CNTN4: variants seen among roughly 807,000 people sequenced by gnomAD.
The protein encoded by CNTN4 is contactin-4.
In CNTN4, 77 loss-of-function variants were observed where a neutral mutation model predicts 122.5. That is an observed-to-expected ratio of 0.63 (90% CI 0.52 to 0.76). The LOEUF (loss-of-function observed/expected upper bound fraction) is 0.76, where lower values mean the gene tolerates loss of function less well. Ranked by LOEUF, CNTN4 falls within the 30% of genes least tolerant of loss-of-function variation. The pLI is 0.00. For missense variants in CNTN4, 1,256 were observed against 1,259.1 expected (o/e 1.00, Z 0.04); for synonymous variants, 512 against 447.0 (o/e 1.15, Z -1.83).
intron 4 of CNTN4, among the ~76,000 whole-genome samples, chr3:2,603,139 T>C (rs576549555): frequency 3.3e-5 from 5 of 152,302 alleles, no homozygotes; most frequent in African/African-American, 1.2e-4. Context: ...TCTGAGAATT[T>C]TGTTTTTTTC....
intron 7 of CNTN4, among the ~76,000 whole-genome samples, chr3:2,833,069 G>A (rs1040392994): frequency 6.6e-6 from 1 of 152,164 alleles, no homozygotes; most frequent in African/African-American, 2.4e-5. Context: ...ATTGCCTAAG[G>A]ATGCAAAGCA....
At chr3:2,228,305 A>C (rs1258960617) in intron 2 of CNTN4, among the ~76,000 whole-genome samples, 1 of 152,110 alleles carries the variant, frequency 6.6e-6, no homozygotes, top group Non-Finnish European at 1.5e-5. Context: ...AATCAAAATA[A>C]TAATAATATT....
intron 6 of CNTN4, among the ~76,000 whole-genome samples, chr3:2,775,326 T>C (rs1360712437): frequency 6.6e-6 from 1 of 151,888 alleles, no homozygotes; most frequent in African/African-American, 2.4e-5. Context: ...CTCTTCCCCA[T>C]GCAAAACTCC....
intron 4 of CNTN4, among the ~76,000 whole-genome samples, chr3:2,673,824 G>A (rs773140011): frequency 2.0e-5 from 3 of 152,188 alleles, no homozygotes; most frequent in African/African-American, 7.2e-5. Flanking sequence ...TTACAGGTGC[G>A]AGTCGCTGCG....
chr3:2,453,455 C>T (rs1188191306), intron 3 of CNTN4, among the ~76,000 whole-genome samples: 2 of 152,100 alleles, frequency 1.3e-5, no homozygotes, highest in African/African-American at 4.8e-5. Flanking sequence ...GAGGCACTTT[C>T]ACCAACATAA....
In CNTN4 at chr3:2,557,976, C is replaced by T. The variant is rs533056287; in HGVS notation, c.-88-13440C>T. ...TGAACTTTTTCTGGAAATGATGCAG[C>T]AAACTATAAATATAAAATCTGCAAT... On this transcript the variant is annotated intron_variant, in intron 3 of 24. Transcript: ENST00000418658. Among the ~76,000 whole-genome samples the T allele has an allele frequency of 2.0e-5, 3 of 152,136 alleles. No homozygotes were observed. In the South Asian group the frequency reaches 6.2e-4, roughly 32 times the overall value.
At chr3:2,210,770 C>A (rs2038580406) in intron 2 of CNTN4, among the ~76,000 whole-genome samples, 1 of 152,064 alleles carries the variant, frequency 6.6e-6, no homozygotes, top group Admixed American at 6.6e-5. Context: ...CATCTTTTGT[C>A]TTTTTGAATC....
At chr3:2,535,470 A>G (rs1338889343) in intron 3 of CNTN4, among the ~76,000 whole-genome samples, 3 of 152,000 alleles carry the variant, frequency 2.0e-5, no homozygotes, top group African/African-American at 7.2e-5. Flanking sequence ...TTCTCCTTCA[A>G]CCATCATGTG....
chr3:2,801,828 G>A (rs2092354921), intron 6 of CNTN4, among the ~76,000 whole-genome samples: 1 of 152,016 alleles, frequency 6.6e-6, no homozygotes, highest in South Asian at 2.1e-4. Context: ...TTAATTCTAA[G>A]CAAACCTCTT....
At chr3:2,421,021 C>T (rs543013626) in intron 3 of CNTN4, among the ~76,000 whole-genome samples, 2 of 152,236 alleles carry the variant, frequency 1.3e-5, no homozygotes, top group East Asian at 3.9e-4. Flanking sequence ...ACATGTGCTT[C>T]TGGGAAAACT....
intron 3 of CNTN4, among the ~76,000 whole-genome samples, chr3:2,531,727 T>C (rs2077604159): frequency 1.3e-5 from 2 of 152,176 alleles, no homozygotes; most frequent in African/African-American, 4.8e-5. Flanking sequence ...GAAGTAAAGA[T>C]TCCATTTGAT....
At chr3:2,354,958 A>G (rs2044805864) in intron 3 of CNTN4, among the ~76,000 whole-genome samples, 1 of 152,230 alleles carries the variant, frequency 6.6e-6, no homozygotes, top group South Asian at 2.1e-4. Context: ...ATTGTGTCAG[A>G]TTACATCCAG....
chr3:2,263,248 G>A (rs2040911840), intron 2 of CNTN4, among the ~76,000 whole-genome samples: 1 of 152,042 alleles, frequency 6.6e-6, no homozygotes, highest in Admixed American at 6.6e-5. Flanking sequence ...TGTGGGCAAG[G>A]ACTGTGTATA....
chr3:2,732,098 A>G (rs898182071), intron 4 of CNTN4, among the ~76,000 whole-genome samples: 8 of 152,206 alleles, frequency 5.3e-5, no homozygotes, highest in African/African-American at 1.9e-4. Flanking sequence ...ACCTCTCTAA[A>G]TCTTATCAAG....
intron 7 of CNTN4, among the ~76,000 whole-genome samples, chr3:2,825,602 T>C (rs1325014858): frequency 6.6e-6 from 1 of 152,068 alleles, no homozygotes; most frequent in Non-Finnish European, 1.5e-5. Flanking sequence ...GGTGGGAGGA[T>C]TCCTTGAGCC....
chr3:2,425,502 C>A (rs61353363), intron 3 of CNTN4, among the ~76,000 whole-genome samples: 1 of 152,042 alleles, frequency 6.6e-6, no homozygotes, highest in Non-Finnish European at 1.5e-5. Context: ...AGTCAGGTAG[C>A]GTGATGCCTC....
At chr3:2,749,761 C>T (rs1021519702) in intron 6 of CNTN4, among the ~76,000 whole-genome samples, 3 of 152,066 alleles carry the variant, frequency 2.0e-5, no homozygotes, top group Non-Finnish European at 4.4e-5. Context: ...ATCATTGATC[C>T]ATAGTTTCTA....
chr3:2,252,115 C>T (rs1051285309), intron 2 of CNTN4, among the ~76,000 whole-genome samples: 3 of 151,888 alleles, frequency 2.0e-5, no homozygotes, highest in Non-Finnish European at 4.4e-5. Flanking sequence ...TTGCCAGATA[C>T]GCACTGATTT....
chr3:2,500,108 T>G (rs1163350332), intron 3 of CNTN4, among the ~76,000 whole-genome samples: 1 of 152,138 alleles, frequency 6.6e-6, no homozygotes, highest in Non-Finnish European at 1.5e-5. Flanking sequence ...TATCTTGCAA[T>G]ATTGCTGAAC....
Sources: allele counts gnomAD v4.1 joint callset (sites outside exome capture counted in the v4.1 genomes callset), GRCh38; gene constraint gnomAD v4.1.1; transcripts MANE v1.5; gene names NCBI Gene and HGNC (gene_info 2026-07-23, HGNC 2026-07-21).